CPNE8: variants seen among roughly 807,000 people sequenced by gnomAD.
The protein encoded by CPNE8 is copine 8.
CPNE8 carries 45 observed loss-of-function variants against 81.5 expected under a neutral mutation model. The observed-to-expected ratio is 0.55, with a 90% CI of 0.44 to 0.71. The LOEUF (loss-of-function observed/expected upper bound fraction) is 0.71. Among genes scored for constraint, CPNE8 ranks in the 30% least tolerant of loss-of-function variants. CPNE8 has a pLI of 0.00. For missense variants in CPNE8, 594 were observed against 672.1 expected (o/e 0.88, Z 1.28); for synonymous variants, 252 against 226.3 (o/e 1.11, Z -1.02).
At position 38,796,693 on chromosome 12, in the gene CPNE8, C is replaced by T. The variant is rs150580424; in HGVS notation, c.408-20392G>A. Among the ~76,000 whole-genome samples the T allele has an allele frequency of 1.1e-3, 173 of 152,088 alleles. 1 individual carries two copies. The highest frequency in any genetic ancestry group is 4.3e-3 in the East Asian group (22 of 5,150). On this transcript the variant is annotated intron_variant, in intron 6 of 19. Transcript: ENST00000331366. ...TCACTAGGGAGTGCCACACAGTGGG[C>T]GCAGGACAGTGGGTGGAGCGCACCA... is the stretch of plus-strand genomic sequence containing the variant.
intron 6 of CPNE8, among the ~76,000 whole-genome samples, chr12:38,818,288 C>T (rs983266075): frequency 6.6e-6 from 1 of 152,060 alleles, no homozygotes; most frequent in African/African-American, 2.4e-5. Context: ...CTCCCCTGGT[C>T]CCCCACCCCA....
At chr12:38,825,413 T>C (rs1179488837) in intron 6 of CPNE8, among the ~76,000 whole-genome samples, 1 of 152,172 alleles carries the variant, frequency 6.6e-6, no homozygotes, top group Admixed American at 6.5e-5. Context: ...GAGCAGGAGT[T>C]AGCAAGGATG....
At chr12:38,870,959 C>T (rs1436722623) in intron 3 of CPNE8, among the ~76,000 whole-genome samples, 1 of 151,966 alleles carries the variant, frequency 6.6e-6, no homozygotes, top group Non-Finnish European at 1.5e-5. Flanking sequence ...ATAATATAAC[C>T]TACCTCTTAA....
intron 11 of CPNE8, among the ~76,000 whole-genome samples, chr12:38,725,453 C>T (rs539676647): frequency 6.6e-6 from 1 of 152,128 alleles, no homozygotes; most frequent in African/African-American, 2.4e-5. Context: ...AAGATTGCAC[C>T]TCTATATTTC....
At chr12:38,759,224 G>T (rs1941526273) in intron 10 of CPNE8, among the ~76,000 whole-genome samples, 1 of 152,298 alleles carries the variant, frequency 6.6e-6, no homozygotes, top group South Asian at 2.1e-4. Context: ...GCAGTGAGCT[G>T]CACTTTTTGT....
chr12:38,849,800 A>T (rs576065088), intron 3 of CPNE8, among the ~76,000 whole-genome samples: 3 of 129,878 alleles, frequency 2.3e-5, no homozygotes, highest in Admixed American at 7.3e-5. Flanking sequence ...ACTTTAAACA[A>T]TAATATCAAT....
intron 1 of CPNE8, among the ~76,000 whole-genome samples, chr12:38,886,328 G>C (rs781042634): frequency 3.9e-5 from 6 of 152,146 alleles, no homozygotes; most frequent in African/African-American, 4.8e-5. Context: ...TCCTCATAGA[G>C]TTGTTTGAGG....
rs568479658 is a variant in CPNE8, at chr12:38,849,580, G to A, written c.187-918C>T. ...GAACTATGATAATCCATTAAAATGTGAAGCTTTCTTAAATTGTAATAATAA... is the reference window on the plus strand; with the variant it reads ...GAACTATGATAATCCATTAAAATGTAAAGCTTTCTTAAATTGTAATAATAA... On this transcript the variant is annotated intron_variant, in intron 3 of 19. Transcript: ENST00000331366. Among the ~76,000 whole-genome samples the A allele has an allele frequency of 3.1e-4, 47 of 152,246 alleles. 3 individuals carry two copies. In the South Asian group the frequency reaches 9.5e-3, roughly 31 times the overall value.
At chr12:38,883,368 GA>G (rs1374480847) in intron 1 of CPNE8, among the ~76,000 whole-genome samples, 2 of 152,120 alleles carry the variant, frequency 1.3e-5, no homozygotes, top group Non-Finnish European at 2.9e-5. Context: ...CATCATTTCA[GA>G]GACTCTACAG....
chr12:38,774,996 CA>C (rs1228462594), intron 7 of CPNE8, among the ~76,000 whole-genome samples: 1 of 152,082 alleles, frequency 6.6e-6, no homozygotes, highest in Non-Finnish European at 1.5e-5. Flanking sequence ...CCCAGAATCC[CA>C]AAGGTATGTA....
At chr12:38,704,024 T>C (rs1461257155) in intron 13 of CPNE8, among the ~76,000 whole-genome samples, 1 of 152,152 alleles carries the variant, frequency 6.6e-6, no homozygotes, top group Admixed American at 6.6e-5. Context: ...CCACGTATTC[T>C]TCCTTATAAG....
intron 13 of CPNE8, among the ~76,000 whole-genome samples, chr12:38,709,754 G>A (rs1940203502): frequency 6.6e-6 from 1 of 152,132 alleles, no homozygotes; most frequent in African/African-American, 2.4e-5. Flanking sequence ...TCCCATGTCA[G>A]ATTTCCTTTC....
chr12:38,900,644 A>C (rs1465361463), intron 1 of CPNE8, among the ~76,000 whole-genome samples: 1 of 152,208 alleles, frequency 6.6e-6, no homozygotes, highest in East Asian at 1.9e-4. Context: ...GCACCTGTGT[A>C]GCCACAAAAG....
At chr12:38,847,460 T>C (rs962779972) in intron 4 of CPNE8, among the ~76,000 whole-genome samples, 10 of 152,210 alleles carry the variant, frequency 6.6e-5, no homozygotes, top group African/African-American at 2.4e-4. Flanking sequence ...GCCTCTAAAA[T>C]AAACATAATC....
intron 12 of CPNE8, among the ~76,000 whole-genome samples, chr12:38,724,244 T>C (rs1274726317): frequency 6.6e-6 from 1 of 152,190 alleles, no homozygotes; most frequent in Admixed American, 6.5e-5. Flanking sequence ...ATTTTAACTG[T>C]CTTGCTTTAT....
chr12:38,885,767 C>T (rs1263109640), intron 1 of CPNE8, among the ~76,000 whole-genome samples: 1 of 151,980 alleles, frequency 6.6e-6, no homozygotes, highest in Non-Finnish European at 1.5e-5. Context: ...GAGGAGGGGC[C>T]GGGTGGGAGG....
At chr12:38,766,197 A>G (rs578075287) in intron 8 of CPNE8, among the ~76,000 whole-genome samples, 27 of 152,268 alleles carry the variant, frequency 1.8e-4, no homozygotes, top group African/African-American at 6.3e-4. Context: ...TTTTTTAATA[A>G]AAGTATCACC....
chr12:38,806,470 T>C (rs2136973953), intron 6 of CPNE8, among the ~76,000 whole-genome samples: 1 of 150,054 alleles, frequency 6.7e-6, no homozygotes, highest in African/African-American at 2.4e-5. Context: ...ATAAATGTAA[T>C]CCAGCATATA....
intron 6 of CPNE8, among the ~76,000 whole-genome samples, chr12:38,807,004 G>A (rs1054829877): frequency 3.3e-5 from 5 of 151,798 alleles, no homozygotes; most frequent in Non-Finnish European, 5.9e-5. Flanking sequence ...ATTCACAACT[G>A]CTTCAAAGAG....
Sources: allele counts gnomAD v4.1 joint callset (sites outside exome capture counted in the v4.1 genomes callset), GRCh38; gene constraint gnomAD v4.1.1; transcripts MANE v1.5; gene names NCBI Gene and HGNC (gene_info 2026-07-23, HGNC 2026-07-21).